Variants in CLECL1 observed in about 807,000 individuals in gnomAD.
CLECL1 encodes C-type lectin-like domain family 1.
At chr12:9,724,983 A>G (rs1866361103) in intron 3 of CLECL1, among the ~76,000 whole-genome samples, 1 of 152,152 alleles carries the variant, frequency 6.6e-6, no homozygotes, top group African/African-American at 2.4e-5. Context: ...CCTCATCCTC[A>G]TTATAAACTA....
At chr12:9,721,279 G>T (rs1313077657), downstream of CLECL1, among the ~76,000 whole-genome samples, 1 of 151,834 alleles carries the variant, frequency 6.6e-6, no homozygotes, top group Non-Finnish European at 1.5e-5. Flanking sequence ...GCTAGAAAAT[G>T]ATTTTATATT....
intron 1 of CLECL1, among the ~76,000 whole-genome samples, chr12:9,732,245 A>G (rs187404286): frequency 2.0e-5 from 3 of 152,360 alleles, no homozygotes; most frequent in Admixed American, 2.0e-4. Flanking sequence ...AAACACCTAC[A>G]TAAACTCTAT....
the CLECL1 span, among the ~76,000 whole-genome samples, chr12:9,709,504 A>G: frequency 2.6e-5 from 4 of 152,214 alleles, no homozygotes; most frequent in African/African-American, 9.7e-5. Flanking sequence ...GATGACCCTT[A>G]TAGATAGAGG....
downstream of CLECL1, among the ~76,000 whole-genome samples, chr12:9,719,256 T>G (rs368351635): frequency 7.9e-5 from 12 of 152,190 alleles, no homozygotes; most frequent in South Asian, 1.7e-3. Flanking sequence ...GCTGGGCGTG[T>G]TGGCTCACGC....
At chr12:9,705,560 A>G in the CLECL1 span, among the ~76,000 whole-genome samples, 1 of 152,168 alleles carries the variant, frequency 6.6e-6, no homozygotes, top group Non-Finnish European at 1.5e-5. Context: ...TCTTTAATCC[A>G]TCTTGAGTTG....
At chr12:9,722,404 A>G (rs1466928819), downstream of CLECL1, 3 of 598,582 alleles carry the variant, frequency 5.0e-6, no homozygotes, top group East Asian at 1.1e-4. Context: ...CTAAGAAGCA[A>G]TGGTCCCTTG....
the CLECL1 span, among the ~76,000 whole-genome samples, chr12:9,702,235 C>T: frequency 7.9e-5 from 12 of 152,004 alleles, no homozygotes; most frequent in African/African-American, 1.7e-4. Flanking sequence ...TGGCTCTCAG[C>T]GGGATAGGGA....
chr12:9,725,436 T>C (rs563599346), intron 3 of CLECL1, among the ~76,000 whole-genome samples: 31 of 152,080 alleles, frequency 2.0e-4, no homozygotes, highest in Non-Finnish European at 4.0e-4. Flanking sequence ...ACTATGTAGC[T>C]GAAAAATTTT....
At chr12:9,733,273 T>C, upstream of CLECL1, 2 of 1,569,580 alleles carry the variant, frequency 1.3e-6, no homozygotes, top group Non-Finnish European at 1.7e-6. Context: ...ATACAGTAGG[T>C]TCTCGTTTTT....
intron 2 of CLECL1, among the ~76,000 whole-genome samples, chr12:9,729,364 A>G (rs762713215): frequency 3.9e-5 from 6 of 152,120 alleles, no homozygotes; most frequent in Non-Finnish European, 4.4e-5. Flanking sequence ...TAAGCAACTA[A>G]TCTTGCCATC....
At chr12:9,732,343 C>T (rs1237637468) in intron 1 of CLECL1, among the ~76,000 whole-genome samples, 1 of 152,174 alleles carries the variant, frequency 6.6e-6, no homozygotes, top group Admixed American at 6.5e-5. Context: ...AGAAAAGACA[C>T]TGGCTATGAA....
intron 2 of CLECL1, among the ~76,000 whole-genome samples, chr12:9,717,104 C>CT (rs1174297303): frequency 6.6e-6 from 1 of 152,176 alleles, no homozygotes; most frequent in Non-Finnish European, 1.5e-5. Flanking sequence ...TTTAAAATAG[C>CT]TTAGTTTGAA....
intron 2 of CLECL1, among the ~76,000 whole-genome samples, chr12:9,729,340 T>A (rs1284935649): frequency 6.6e-6 from 1 of 152,148 alleles, no homozygotes; most frequent in Non-Finnish European, 1.5e-5. Context: ...CACTGCATGA[T>A]CTTGATCATA....
At chr12:9,733,248 A>G, upstream of CLECL1, 1 of 1,608,020 alleles carries the variant, frequency 6.2e-7, no homozygotes, top group Non-Finnish European at 8.5e-7. Context: ...TATGACATGG[A>G]AGAAATTACT....
intron 3 of CLECL1, among the ~76,000 whole-genome samples, chr12:9,726,207 C>T (rs74062715): frequency 1.2e-3 from 188 of 151,258 alleles, no homozygotes; most frequent in African/African-American, 4.4e-3. Context: ...TTAAATAATC[C>T]TATGTATTAT....
chr12:9,730,028 CT>C (rs1866427828), intron 1 of CLECL1, among the ~76,000 whole-genome samples: 1 of 152,120 alleles, frequency 6.6e-6, no homozygotes, highest in Admixed American at 6.6e-5. Flanking sequence ...CTGATCTTTT[CT>C]GTTTCTCCTC....
At chr12:9,706,798 A>G in the CLECL1 span, among the ~76,000 whole-genome samples, 5 of 152,164 alleles carry the variant, frequency 3.3e-5, no homozygotes, top group African/African-American at 1.2e-4. Flanking sequence ...CATCAAGGAT[A>G]TTGGCCTGAA....
At chr12:9,702,870 A>G in the CLECL1 span, among the ~76,000 whole-genome samples, 1 of 152,324 alleles carries the variant, frequency 6.6e-6, no homozygotes, top group Middle Eastern at 3.4e-3. Context: ...AAAGTTTTCT[A>G]TTCTGTTCCT....
intron 3 of CLECL1, among the ~76,000 whole-genome samples, chr12:9,723,340 A>G (rs1245731035): frequency 6.6e-6 from 1 of 152,214 alleles, no homozygotes; most frequent in Admixed American, 6.5e-5. Context: ...TCTAATTTAT[A>G]ATATTTCCCA....
Sources: gnomAD v4.1 joint callset for allele counts (sites outside exome capture counted in the v4.1 genomes callset) on GRCh38, gnomAD v4.1.1 for gene constraint, MANE v1.5 for transcripts, NCBI Gene and HGNC (gene_info 2026-07-23, HGNC 2026-07-21) for gene names.